Variants in HTR4 observed in about 807,000 individuals in gnomAD.
HTR4 encodes 5-hydroxytryptamine (serotonin) receptor 4, G protein-coupled.
HTR4 carries 16 observed loss-of-function variants against 36.8 expected under a neutral mutation model. That is an observed-to-expected ratio of 0.43 (90% confidence interval 0.29 to 0.66). The LOEUF (loss-of-function observed/expected upper bound fraction) is 0.66, where lower values mean the gene tolerates loss of function less well. Among genes scored for constraint, HTR4 ranks in the 30% least tolerant of loss-of-function variants. The pLI, the probability that HTR4 is intolerant of heterozygous loss-of-function variation, is 0.13. For synonymous variants in HTR4, 189 were observed against 185.1 expected (o/e 1.02, Z -0.17); for missense variants, 438 against 490.9 (o/e 0.89, Z 1.02).
At chr5:148,494,152 C>T (rs534859108) in intron 6 of HTR4, among the ~76,000 whole-genome samples, 1 of 152,326 alleles carries the variant, frequency 6.6e-6, no homozygotes, top group East Asian at 1.9e-4. Context: ...GGAATTAATA[C>T]ATATTTTTTA....
At chr5:148,510,786 T>G (rs1757460550) in intron 5 of HTR4, among the ~76,000 whole-genome samples, 1 of 152,236 alleles carries the variant, frequency 6.6e-6, no homozygotes, top group African/African-American at 2.4e-5. Context: ...TTTGTCTCAT[T>G]TAGATAACAC....
intron 2 of HTR4, among the ~76,000 whole-genome samples, chr5:148,555,463 A>G (rs147309651): frequency 1.3e-3 from 194 of 152,384 alleles, no homozygotes; most frequent in African/African-American, 4.4e-3. Context: ...AAATTTAAGC[A>G]TAGAAGAAGC....
intron 6 of HTR4, among the ~76,000 whole-genome samples, chr5:148,492,358 G>A (rs1398858835): frequency 6.6e-6 from 1 of 152,202 alleles, no homozygotes; most frequent in Non-Finnish European, 1.5e-5. Flanking sequence ...CACAGGGTAT[G>A]ATGTACCCAG....
At chr5:148,511,540 C>T (rs1757497363) in intron 5 of HTR4, among the ~76,000 whole-genome samples, 1 of 151,368 alleles carries the variant, frequency 6.6e-6, no homozygotes, top group African/African-American at 2.4e-5. Context: ...ATTACATATT[C>T]CAATATTGAC....
intron 3 of HTR4, 65 bp downstream of exon 3, chr5:148,550,072 C>A: frequency 6.5e-7 from 1 of 1,546,472 alleles, no homozygotes; most frequent in East Asian, 2.3e-5. Flanking sequence ...AATGTTCACA[C>A]CCAACTCTCT....
chr5:148,613,776 A>C (rs1299804611), intron 2 of HTR4, among the ~76,000 whole-genome samples: 1 of 149,266 alleles, frequency 6.7e-6, no homozygotes, highest in East Asian at 2.0e-4. Context: ...GTATATCTAG[A>C]AAACCCCATT....
At chr5:148,633,934 T>C (rs938389168) in intron 2 of HTR4, among the ~76,000 whole-genome samples, 1 of 152,172 alleles carries the variant, frequency 6.6e-6, no homozygotes, top group African/African-American at 2.4e-5. Flanking sequence ...CAAATTACCT[T>C]TGATTATGTT....
At chr5:148,539,239 G>A (rs1758986484) in intron 4 of HTR4, among the ~76,000 whole-genome samples, 1 of 152,160 alleles carries the variant, frequency 6.6e-6, no homozygotes, top group Admixed American at 6.5e-5. Context: ...ATGGATTAAA[G>A]ACTTAAATGT....
At chr5:148,652,203 G>A (rs1754060326) in intron 1 of HTR4, among the ~76,000 whole-genome samples, 1 of 152,148 alleles carries the variant, frequency 6.6e-6, no homozygotes, top group African/African-American at 2.4e-5. Context: ...TAACGTGGTA[G>A]CAGTGGGAAT....
chr5:148,536,248 G>C (rs1758819791), intron 4 of HTR4, among the ~76,000 whole-genome samples: 1 of 152,022 alleles, frequency 6.6e-6, no homozygotes, highest in Non-Finnish European at 1.5e-5. Flanking sequence ...ACTAAATATA[G>C]AAAGGAAAGA....
chr5:148,579,845 C>T lies in HTR4; in HGVS notation c.27-29583G>A, dbSNP rs184451668. On this transcript the variant is annotated intron_variant, in intron 2 of 6. Coordinates refer to ENST00000377888, the MANE Select transcript of HTR4 (RefSeq NM_000870.7). Reference sequence around the variant, plus strand: ...ACATATCAAATCACTCTCAAATTCACATCGCTGATTTCTGCATCTCTTTCC... The same window carrying T: ...ACATATCAAATCACTCTCAAATTCATATCGCTGATTTCTGCATCTCTTTCC... Among the ~76,000 whole-genome samples, 331 of 152,160 alleles carry T rather than the reference C, an allele frequency of 2.2e-3. 2 individuals are homozygous for T. Among genetic ancestry groups the T allele is most frequent in the African/African-American group, 7.7e-3 (320 of 41,528 alleles).
intron 2 of HTR4, among the ~76,000 whole-genome samples, chr5:148,563,615 C>T (rs909975862): frequency 5.9e-5 from 9 of 152,184 alleles, no homozygotes; most frequent in South Asian, 4.1e-4. Flanking sequence ...GTTCCACATC[C>T]GTAGATTCAA....
chr5:148,503,408 G>A (rs1757030551), intron 6 of HTR4, among the ~76,000 whole-genome samples: 1 of 152,102 alleles, frequency 6.6e-6, no homozygotes, highest in South Asian at 2.1e-4. Context: ...CATAAGTGAA[G>A]GAGAAATAAA....
At chr5:148,457,058 A>T (rs1043993130) in intron 5 of HTR4, among the ~76,000 whole-genome samples, 2 of 152,140 alleles carry the variant, frequency 1.3e-5, no homozygotes, top group African/African-American at 4.8e-5. Context: ...TGGATTTGGG[A>T]ACTAGTAGTA....
At chr5:148,487,100 A>G (rs1290628336) in intron 6 of HTR4, among the ~76,000 whole-genome samples, 5 of 114,110 alleles carry the variant, frequency 4.4e-5, no homozygotes, top group African/African-American at 2.0e-4. Context: ...GCATTGTCAT[A>G]TCTTTTTTTC....
chr5:148,466,142 TAA>T (rs1376590409), intron 5 of HTR4, among the ~76,000 whole-genome samples: 1 of 152,198 alleles, frequency 6.6e-6, no homozygotes, highest in Non-Finnish European at 1.5e-5. Context: ...AAAGCACACT[TAA>T]GTTAGTGTTT....
intron 4 of HTR4, among the ~76,000 whole-genome samples, 156 bp from the exon 5 acceptor site, chr5:148,523,502 A>C (rs1758123362): frequency 6.6e-6 from 1 of 152,084 alleles, no homozygotes; most frequent in Admixed American, 6.6e-5. Context: ...GGGGAAGCAG[A>C]GAATAAAAAT....
At chr5:148,520,915 G>A in intron 5 of HTR4, 1 of 1,367,758 alleles carries the variant, frequency 7.3e-7, no homozygotes, top group Non-Finnish European at 9.8e-7. Context: ...TACTTGTTCT[G>A]ACATACCGCA....
At chr5:148,566,963 T>C (rs1760468497) in intron 2 of HTR4, among the ~76,000 whole-genome samples, 1 of 152,064 alleles carries the variant, frequency 6.6e-6, no homozygotes, top group South Asian at 2.1e-4. Context: ...CAAAAAATTG[T>C]GTTTTTTTTC....
Sources: gnomAD v4.1 joint callset for allele counts (sites outside exome capture counted in the v4.1 genomes callset) on GRCh38, gnomAD v4.1.1 for gene constraint, MANE v1.5 for transcripts, NCBI Gene and HGNC (gene_info 2026-07-23, HGNC 2026-07-21) for gene names.